ATP13A3: variants seen among roughly 807,000 people sequenced by gnomAD.
The protein encoded by ATP13A3 is ATPase 13A3, also known as polyamine-transporting ATPase 13A3.
In ATP13A3, 59 loss-of-function variants were observed where a neutral mutation model predicts 158.1. That is an observed-to-expected ratio of 0.37 (90% CI 0.30 to 0.46). ATP13A3 has a LOEUF of 0.46. Ranked by LOEUF, ATP13A3 falls within the 20% of genes least tolerant of loss-of-function variation. The pLI is 1.00. For synonymous variants in ATP13A3, 491 were observed against 504.3 expected (o/e 0.97, Z 0.35); for missense variants, 1,166 against 1,525.2 (o/e 0.76, Z 3.92).
intron 11 of ATP13A3, among the ~76,000 whole-genome samples, chr3:194,449,434 C>T (rs998025207): frequency 6.6e-6 from 1 of 152,168 alleles, no homozygotes; most frequent in Non-Finnish European, 1.5e-5. Flanking sequence ...AATTCCAACA[C>T]TTTGGGAGGC....
rs1714816572 is a variant in ATP13A3, at chr3:194,404,681, G to A, written c.*1238C>T. On this transcript the variant is annotated 3_prime_UTR_variant, in exon 34 of 34. Transcript: ENST00000645319. Reference sequence around the variant, plus strand: ...AAATGTTAATCAGGCCAAACAGAAAGGTGAAAAATGTTTCTCCACATCTCT... The same window carrying A: ...AAATGTTAATCAGGCCAAACAGAAAAGTGAAAAATGTTTCTCCACATCTCT... 1 of 152,120 alleles carries A rather than the reference G, an allele frequency of 6.6e-6. No individual in the cohort carries two copies. Among genetic ancestry groups the A allele is most frequent in the Non-Finnish European group, 1.5e-5 (1 of 68,034 alleles). 9.4% of individuals were successfully genotyped at this position (152,120 alleles called of 1,614,324 possible).
chr3:194,487,389 T>C (rs1479671835), upstream of ATP13A3: 1 of 152,320 alleles, frequency 6.6e-6, no homozygotes. Flanking sequence ...TGGAGGAAGC[T>C]TGTGCTAGAA....
chr3:194,491,622 C>T (rs1424645997), upstream of ATP13A3, among the ~76,000 whole-genome samples: 1 of 74,728 alleles, frequency 1.3e-5, no homozygotes, highest in East Asian at 5.1e-4. Context: ...ACCTGGCATG[C>T]CCCCTCCATC....
chr3:194,419,791 G>C, intron 31 of ATP13A3, 88 bp downstream of exon 31: 3 of 1,502,512 alleles, frequency 2.0e-6, no homozygotes, highest in Non-Finnish European at 2.6e-6. Flanking sequence ...CAGCATCTTA[G>C]AATACACAAA....
At chr3:194,438,555 G>A (rs1024132320) in intron 17 of ATP13A3, among the ~76,000 whole-genome samples, 2 of 152,154 alleles carry the variant, frequency 1.3e-5, no homozygotes, top group African/African-American at 4.8e-5. Context: ...TCTGATAAAC[G>A]CAGTTAAAAT....
intron 2 of ATP13A3, among the ~76,000 whole-genome samples, chr3:194,476,882 T>C (rs77462393): frequency 0.011 from 1,670 of 151,892 alleles, 16 homozygotes; most frequent in East Asian, 0.047. Context: ...TTCCCTGCCA[T>C]GAGGAACTGG....
chr3:194,439,762 C>T (rs927294433), intron 16 of ATP13A3, among the ~76,000 whole-genome samples: 2 of 152,152 alleles, frequency 1.3e-5, no homozygotes, highest in African/African-American at 4.8e-5. Context: ...TAAGTAAGCT[C>T]TGGTGGGATC....
intron 31 of ATP13A3, among the ~76,000 whole-genome samples, chr3:194,417,578 T>C (rs978944037): frequency 6.6e-6 from 1 of 152,128 alleles, no homozygotes; most frequent in Non-Finnish European, 1.5e-5. Context: ...GACAATATAG[T>C]ACTGGCACAA....
chr3:194,422,590 T>C (rs1373690720), intron 30 of ATP13A3, among the ~76,000 whole-genome samples: 2 of 152,128 alleles, frequency 1.3e-5, no homozygotes, highest in Non-Finnish European at 2.9e-5. Context: ...TATAGCAACA[T>C]GTAAATTGAA....
rs972791225 is a variant in ATP13A3 at position 194,404,043 on chromosome 3, C to G, written c.*1876G>C. On this transcript the variant is annotated 3_prime_UTR_variant, in exon 34 of 34. Transcript: ENST00000645319. ...TCATTATATGCTTCAGTACTTAAACCAAAGAATAAAATGCACAATTGTGGA... is the reference window on the plus strand; with the variant it reads ...TCATTATATGCTTCAGTACTTAAACGAAAGAATAAAATGCACAATTGTGGA... 2.3e-6 allele frequency: 1 copy of G among 434,316 alleles called. No individual in the cohort carries two copies. The highest frequency in any genetic ancestry group is 2.1e-5 in the African/African-American group (1 of 48,382). 26.9% of individuals were successfully genotyped at this position (434,316 alleles called of 1,614,324 possible).
chr3:194,432,142 A>G (rs1342018089), intron 21 of ATP13A3: 2 of 399,096 alleles, frequency 5.0e-6, no homozygotes, highest in Admixed American at 4.4e-5. Flanking sequence ...GCCAAATATA[A>G]TTCTCAATCT....
chr3:194,489,071 G>A (rs1161939919), upstream of ATP13A3, among the ~76,000 whole-genome samples: 1 of 152,244 alleles, frequency 6.6e-6, no homozygotes, highest in East Asian at 1.9e-4. This position sits in a 1 kb window ranked among gnomAD's most constrained non-coding sequence, Gnocchi z 4.1. Context: ...AGTTGGGAAT[G>A]AGTGAGTCAT....
At chr3:194,415,915 A>G (rs1221005206) in intron 31 of ATP13A3, among the ~76,000 whole-genome samples, 2 of 152,206 alleles carry the variant, frequency 1.3e-5, no homozygotes, top group Admixed American at 6.5e-5. Flanking sequence ...TTTAAGTTAT[A>G]TAACTTTAAG....
At chr3:194,429,813 C>A (rs1375913072) in intron 26 of ATP13A3, 39 bp from the exon 27 acceptor site, 2 of 1,556,486 alleles carry the variant, frequency 1.3e-6, no homozygotes, top group South Asian at 2.3e-5. Context: ...TGAATAGAAG[C>A]ATTTTAAACT....
chr3:194,421,118 A>ATATATATATATATATATTG (rs1716269549), intron 30 of ATP13A3, among the ~76,000 whole-genome samples: 1 of 61,868 alleles, frequency 1.6e-5, no homozygotes, highest in Non-Finnish European at 2.4e-5. Context: ...TAGGGTGTAT[A>ATATATATATATATATATTG]TATATATATA....
At chr3:194,457,197 C>T (rs1719292867) in intron 6 of ATP13A3, 23 bp from the exon 7 acceptor site, 2 of 1,575,842 alleles carry the variant, frequency 1.3e-6, no homozygotes, top group Non-Finnish European at 1.7e-6. Flanking sequence ...AAAGTTTTTA[C>T]TTTAAACAAA....
intron 30 of ATP13A3, 133 bp from the exon 31 acceptor site, chr3:194,420,100 G>T: frequency 1.0e-6 from 1 of 1,004,452 alleles, no homozygotes; most frequent in Non-Finnish European, 1.3e-6. Flanking sequence ...ATGGAATAAA[G>T]TATGTGCTCT....
At chr3:194,449,658 C>T (rs1718667188) in intron 11 of ATP13A3, among the ~76,000 whole-genome samples, 1 of 148,784 alleles carries the variant, frequency 6.7e-6, no homozygotes, top group Non-Finnish European at 1.5e-5. Flanking sequence ...TCCTGGGTGA[C>T]AGAACAAGGC....
intron 20 of ATP13A3, among the ~76,000 whole-genome samples, chr3:194,436,852 C>T (rs1717678010): frequency 6.6e-6 from 1 of 152,114 alleles, no homozygotes; most frequent in Non-Finnish European, 1.5e-5. Context: ...TGACCCGAGA[C>T]GGCAGTGCCA....
Sources: allele counts gnomAD v4.1 joint callset (sites outside exome capture counted in the v4.1 genomes callset), GRCh38; gene constraint gnomAD v4.1.1; non-coding constraint Gnocchi (gnomAD v3.1); transcripts MANE v1.5; gene names NCBI Gene and HGNC (gene_info 2026-07-23, HGNC 2026-07-21).